NEDD4L: variants seen among roughly 807,000 people sequenced by gnomAD.
NEDD4L encodes E3 ubiquitin-protein ligase NEDD4-like.
NEDD4L carries 54 observed loss-of-function variants against 148.9 expected under a neutral mutation model. That is an observed-to-expected ratio of 0.36 (90% CI 0.29 to 0.45). The LOEUF (loss-of-function observed/expected upper bound fraction) is 0.45, where lower values mean the gene tolerates loss of function less well. Among genes scored for constraint, NEDD4L ranks in the 20% least tolerant of loss-of-function variants. The pLI, the probability that NEDD4L is intolerant of heterozygous loss-of-function variation, is 1.00. For missense variants in NEDD4L, 856 were observed against 1,233.8 expected (o/e 0.69, Z 4.59); for synonymous variants, 433 against 440.7 (o/e 0.98, Z 0.22).
intron 1 of NEDD4L, chr18:58,090,811 T>G (rs570872334): frequency 6.6e-6 from 1 of 152,392 alleles, no homozygotes; most frequent in South Asian, 2.1e-4. Flanking sequence ...ATTTGAGATT[T>G]CAGACTTTGT....
At chr18:58,262,502 G>C (rs1434457339) in intron 5 of NEDD4L, among the ~76,000 whole-genome samples, 1 of 152,068 alleles carries the variant, frequency 6.6e-6, no homozygotes, top group Admixed American at 6.5e-5. Flanking sequence ...GGTGGCCTCT[G>C]TCTGTAGTCC....
chr18:58,247,744 T>A (rs1568470327), intron 3 of NEDD4L: 1 of 152,456 alleles, frequency 6.6e-6, no homozygotes, highest in Non-Finnish European at 1.5e-5. Flanking sequence ...TCCTCGCCTG[T>A]CATTTCCCAT....
chr18:58,264,938 A>C (rs998021784), intron 5 of NEDD4L, among the ~76,000 whole-genome samples: 3 of 152,116 alleles, frequency 2.0e-5, no homozygotes, highest in Non-Finnish European at 4.4e-5. Flanking sequence ...ACATATAAAT[A>C]CTTAGGGAGC....
chr18:58,098,710 C>T (rs9952299), intron 1 of NEDD4L, among the ~76,000 whole-genome samples: 17,711 of 152,052 alleles, frequency 0.12, 1,340 homozygotes, highest in African/African-American at 0.2. Context: ...ATTTCTGGAG[C>T]CCCCCAGAAG....
At position 58,047,449 on chromosome 18, in the gene NEDD4L, A is replaced by AC. The variant is rs528148076; in HGVS notation, c.48+2741_48+2742insC. On this transcript the variant is annotated intron_variant, in intron 1 of 30. Coordinates refer to ENST00000400345, the MANE Select transcript of NEDD4L (RefSeq NM_001144967.3). ...ATGAACCCAGAAAACGGGGATGCCAAAGCACAGGGCTTAGGTGCTGTTCCT... is the reference window on the plus strand; with the variant it reads ...ATGAACCCAGAAAACGGGGATGCCAACAGCACAGGGCTTAGGTGCTGTTCCT... 3.0e-3 allele frequency: 2,917 copies of AC among 985,432 alleles called. 5 individuals carry two copies. The highest frequency in any genetic ancestry group is 3.2e-3 in the Non-Finnish European group (2,655 of 829,928). The allele number at this position is 985,432 out of a possible 1,614,324, so 61.0% of individuals were successfully genotyped here. A position where few individuals can be genotyped will look rare whatever the true frequency, so the allele number is the denominator to read the frequency against.
At position 58,276,195 on chromosome 18, in the gene NEDD4L, T is replaced by G. The variant is rs543607308; in HGVS notation, c.297+24141T>G. On this transcript the variant is annotated intron_variant, in intron 5 of 30. Coordinates refer to ENST00000400345, the MANE Select transcript of NEDD4L (RefSeq NM_001144967.3). ...GATTTAATGTGCATTTTCTTTTTCG[T>G]TTTTTTTTTTTTTTTTTGGGTGGGG... Among the ~76,000 whole-genome samples the G allele has an allele frequency of 7.4e-3, 527 of 71,676 alleles. 6 individuals carry two copies. The highest frequency in any genetic ancestry group is 0.027 in the African/African-American group (375 of 13,936). 47.0% of individuals were successfully genotyped at this position (71,676 alleles called of 152,430 possible). A position where few individuals can be genotyped will look rare whatever the true frequency, so the allele number is the denominator to read the frequency against.
intron 24 of NEDD4L, 67 bp downstream of exon 24, chr18:58,373,336 G>A (rs1347872843): frequency 7.9e-6 from 7 of 883,990 alleles, no homozygotes; most frequent in Admixed American, 4.0e-5. Flanking sequence ...TTGACGGGCT[G>A]TAACACAACT....
chr18:58,131,507 T>G (rs1437823357), intron 1 of NEDD4L, among the ~76,000 whole-genome samples: 1 of 151,536 alleles, frequency 6.6e-6, no homozygotes, highest in Non-Finnish European at 1.5e-5. Context: ...ACTGTGGTGG[T>G]GTTGGGCTCT....
intron 2 of NEDD4L, among the ~76,000 whole-genome samples, chr18:58,226,701 C>T (rs1350183116): frequency 1.3e-5 from 2 of 152,326 alleles, no homozygotes; most frequent in East Asian, 3.9e-4. Context: ...AGCCTCGGCT[C>T]ACCAAGTGCT....
In NEDD4L at chr18:58,385,786, C is replaced by A. The variant is rs149642402; in HGVS notation, c.2487+200C>A. Among the ~76,000 whole-genome samples the A allele has an allele frequency of 1.1e-4, 16 of 152,126 alleles. No individual in the cohort carries two copies. In the East Asian group the frequency reaches 3.1e-3, roughly 29 times the overall value. Reference sequence around the variant, plus strand: ...AGAGTGTTCAGCCACCGTGCCGCCACCTCCTTTTCCTTTTCACGGGTTCTC... The same window carrying A: ...AGAGTGTTCAGCCACCGTGCCGCCAACTCCTTTTCCTTTTCACGGGTTCTC... On this transcript the variant is annotated intron_variant, in intron 26 of 30. Coordinates refer to ENST00000400345, the MANE Select transcript of NEDD4L (RefSeq NM_001144967.3).
At chr18:58,395,951 T>A (rs1345490221) in intron 30 of NEDD4L, among the ~76,000 whole-genome samples, 1 of 152,210 alleles carries the variant, frequency 6.6e-6, no homozygotes, top group African/African-American at 2.4e-5. Flanking sequence ...AGCAAAGGTT[T>A]CATGGACCAT....
Position 58,323,296 on chromosome 18 carries a change from C to CA in NEDD4L, c.477dup (p.Asp160ArgfsTer2), listed in dbSNP as rs771929537. ...GGCCTATATGCCAAAAAATGGAGGT[C>CA]AAGATGAAGAAAACAGTGACCAGAG... On this transcript the variant is annotated frameshift_variant, in exon 8 of 31. Transcript: ENST00000400345. LOFTEE classifies it high-confidence loss of function. 1 of 1,601,054 alleles carries CA rather than the reference C, an allele frequency of 6.2e-7. No individual in the cohort carries two copies. Among genetic ancestry groups the CA allele is most frequent in the Non-Finnish European group, 8.5e-7 (1 of 1,173,244 alleles).
chr18:58,130,984 G>C (rs1298746669), intron 1 of NEDD4L, among the ~76,000 whole-genome samples: 1 of 135,324 alleles, frequency 7.4e-6, no homozygotes, highest in African/African-American at 2.8e-5. Flanking sequence ...GTTGGGCTCT[G>C]TTGGGGTTTG....
At chr18:58,058,636 G>A (rs1025420463) in intron 1 of NEDD4L, among the ~76,000 whole-genome samples, 3 of 152,228 alleles carry the variant, frequency 2.0e-5, no homozygotes, top group Non-Finnish European at 2.9e-5. Context: ...TTGTCACACT[G>A]GAGAGACAGG....
intron 1 of NEDD4L, among the ~76,000 whole-genome samples, chr18:58,138,970 G>A (rs1484806230): frequency 6.6e-6 from 1 of 152,132 alleles, no homozygotes; most frequent in Admixed American, 6.5e-5. Flanking sequence ...GAGCCCTGCC[G>A]GGACCACGCT....
At chr18:58,310,552 C>T (rs1051876640) in intron 5 of NEDD4L, among the ~76,000 whole-genome samples, 1 of 152,192 alleles carries the variant, frequency 6.6e-6, no homozygotes, top group African/African-American at 2.4e-5. Flanking sequence ...AAGCAATTCA[C>T]CTTGAAAGGC....
chr18:58,137,930 C>T (rs2033034581), intron 1 of NEDD4L, among the ~76,000 whole-genome samples: 1 of 152,172 alleles, frequency 6.6e-6, no homozygotes, highest in African/African-American at 2.4e-5. Flanking sequence ...GTTGTGTCAG[C>T]CTCTTTTCAG....
intron 1 of NEDD4L, among the ~76,000 whole-genome samples, chr18:58,127,160 G>A (rs2031267479): frequency 6.6e-6 from 1 of 152,220 alleles, no homozygotes; most frequent in Non-Finnish European, 1.5e-5. Context: ...GGCCCATAAA[G>A]GAGTGCTGGC....
intron 2 of NEDD4L, among the ~76,000 whole-genome samples, chr18:58,240,227 A>C (rs1290286473): frequency 6.6e-6 from 1 of 151,912 alleles, no homozygotes; most frequent in African/African-American, 2.4e-5. Flanking sequence ...CTTACTTGTG[A>C]GTGAACAGCT....
Sources: gnomAD v4.1 joint callset for allele counts (sites outside exome capture counted in the v4.1 genomes callset) on GRCh38, gnomAD v4.1.1 for gene constraint, MANE v1.5 for transcripts, NCBI Gene and HGNC (gene_info 2026-07-23, HGNC 2026-07-21) for gene names.